Variants in AMOTL2 observed in about 807,000 individuals in gnomAD.
AMOTL2 encodes angiomotin-like protein 2.
AMOTL2 carries 33 observed loss-of-function variants against 78.4 expected under a neutral mutation model. That is an observed-to-expected ratio of 0.42 (90% CI 0.32 to 0.56). The LOEUF is 0.56. Ranked by LOEUF, AMOTL2 falls within the 20% of genes least tolerant of loss-of-function variation. The probability of loss-of-function intolerance (pLI) is 0.12; values close to 1 mark genes in which losing one functional copy is unlikely to be tolerated. For missense variants in AMOTL2, 983 were observed against 1,030.1 expected, an observed-to-expected ratio of 0.95 and a Z score of 0.63; for synonymous variants, 422 against 428.8, an observed-to-expected ratio of 0.98 and a Z score of 0.20.
At chr3:134,373,044 G>A (rs2017936420) in intron 1 of AMOTL2, among the ~76,000 whole-genome samples, 1 of 152,038 alleles carries the variant, frequency 6.6e-6, no homozygotes, top group Non-Finnish European at 1.5e-5. Flanking sequence ...AGCCATTCCC[G>A]ATCTTTTCCC....
intron 9 of AMOTL2, 36 bp downstream of exon 9, chr3:134,358,504 C>T (rs773597344): frequency 6.3e-7 from 1 of 1,592,708 alleles, no homozygotes; most frequent in African/African-American, 1.4e-5. Flanking sequence ...CCCCCTCGGC[C>T]CTACCTAGCA....
At chr3:134,360,073 C>A (rs200489847) in intron 7 of AMOTL2, 33 bp downstream of exon 7, 28 of 1,583,650 alleles carry the variant, frequency 1.8e-5, no homozygotes, top group African/African-American at 2.7e-5. Flanking sequence ...ACCCACCCCC[C>A]CAACCTCAGG....
intron 2 of AMOTL2, among the ~76,000 whole-genome samples, chr3:134,369,575 G>C (rs1176278752): frequency 6.6e-6 from 1 of 152,202 alleles, no homozygotes; most frequent in Non-Finnish European, 1.5e-5. Context: ...GAGGGGTGGA[G>C]GCTGGAGAAA....
chr3:134,359,550 A>T (rs1245764421), intron 7 of AMOTL2, 47 bp from the exon 8 acceptor site: 28 of 1,490,044 alleles, frequency 1.9e-5, no homozygotes, highest in Non-Finnish European at 2.4e-5. Flanking sequence ...CACAGATCCA[A>T]CAGCCTCCAC....
chr3:134,361,489 G>A, intron 6 of AMOTL2, 23 bp downstream of exon 6: 1 of 1,582,046 alleles, frequency 6.3e-7, no homozygotes, highest in Non-Finnish European at 8.6e-7. Context: ...TGCTGCCCTA[G>A]CCTGGAGACT....
chr3:134,373,405 A>G (rs2017954260), intron 1 of AMOTL2: 2 of 931,804 alleles, frequency 2.1e-6, no homozygotes, highest in Non-Finnish European at 2.6e-6. Context: ...AACATCTCCA[A>G]GGCCTCTCAT....
intron 1 of AMOTL2, chr3:134,371,775 G>A (rs1382455983): frequency 1.9e-5 from 8 of 418,452 alleles, no homozygotes; most frequent in East Asian, 7.4e-5. Context: ...AGTGGCCTGC[G>A]AGCTCCTGGC....
At position 134,361,523 on chromosome 3, in the gene AMOTL2, G is replaced by A; in HGVS notation, c.1564C>T (p.Arg522Cys). The A allele has an allele frequency of 1.2e-6, 2 of 1,609,540 alleles. No homozygotes were observed. Among genetic ancestry groups the A allele is most frequent in the Middle Eastern group, 1.7e-4 (1 of 5,976 alleles). Residue 522 changes from arginine to cysteine, a missense_variant, in exon 6 of 10, where the codon CGT becomes TGT. Coordinates refer to ENST00000249883, the MANE Select transcript of AMOTL2 (RefSeq NM_016201.4). ...CTTTCTCAGCTCACCTGCTGTGCACGCAGGGCCTTGAGTTCCTGCTCCAGG... is the reference window on the plus strand; with the variant it reads ...CTTTCTCAGCTCACCTGCTGTGCACACAGGGCCTTGAGTTCCTGCTCCAGG... ...TRLEQELKAL[R>C]AQQRQAGAPG...
Position 134,355,615 on chromosome 3 carries a change from T to C in AMOTL2, c.*2090A>G, listed in dbSNP as rs1216251152. On this transcript the variant is annotated 3_prime_UTR_variant, in exon 10 of 10. Transcript: ENST00000249883. ...ACCACAGCGTGTGGCCGAACAAAGC[T>C]GATTAGAACACAGCCCTACCTCGGG... Among the ~76,000 whole-genome samples the C allele has an allele frequency of 6.6e-6, 1 of 152,220 alleles. No individual in the cohort carries two copies. The highest frequency in any genetic ancestry group is 1.5e-5 in the Non-Finnish European group (1 of 68,042).
In AMOTL2 at chr3:134,359,315, T is replaced by C. The variant is rs780310495; in HGVS notation, c.2072A>G (p.Gln691Arg). 9.9e-6 allele frequency: 16 copies of C among 1,614,098 alleles called. No homozygotes were observed. Among genetic ancestry groups the C allele is most frequent in the South Asian group, 2.2e-5 (2 of 91,092 alleles). Residue 691 changes from glutamine (Q) to arginine (R), a missense_variant, in exon 8 of 10, where the codon CAA (glutamine) becomes CGA (arginine). Transcript: ENST00000249883. The part of the protein sequence containing the change: ...GWQGLSSSER[Q>R]TADAPARLTT... ...CAGCCGAGCAGGGGCGTCTGCTGTTTGTCGCTCACTAGAAGAGAGCCCTTG... is the reference window on the plus strand; with the variant it reads ...CAGCCGAGCAGGGGCGTCTGCTGTTCGTCGCTCACTAGAAGAGAGCCCTTG...
At chr3:134,361,839 G>C in intron 5 of AMOTL2, 32 bp from the exon 6 acceptor site, 2 of 1,494,296 alleles carry the variant, frequency 1.3e-6, no homozygotes, top group Non-Finnish European at 1.8e-6. Context: ...ATCAGTGACA[G>C]TGACCACGTT....
At position 134,359,385 on chromosome 3, in the gene AMOTL2, C is replaced by T. The variant is rs557857902; in HGVS notation, c.2002G>A (p.Val668Met). The change falls in exon 8 of 10, where the codon GTG (valine) becomes ATG (methionine). Residue 668 changes from valine to methionine, a missense_variant. Coordinates refer to ENST00000249883, the MANE Select transcript of AMOTL2 (RefSeq NM_016201.4). Reference sequence around the variant, plus strand: ...GCCGCAGCCGCGAAAACAGATGGCACCGACTTGGCAGGCCGCAGGGAGCCC... The same window carrying T: ...GCCGCAGCCGCGAAAACAGATGGCATCGACTTGGCAGGCCGCAGGGAGCCC... ...IQGSLRPAKS[V>M]PSVFAAAAAG... 3 of 1,614,230 alleles carry T rather than the reference C, an allele frequency of 1.9e-6. No individual in the cohort carries two copies. The African/African-American group carries it at 4.0e-5, about 22-fold the overall frequency.
Position 134,370,841 on chromosome 3 carries a change from C to A in AMOTL2, c.593G>T (p.Gly198Val), listed in dbSNP as rs757485956. The A allele has an allele frequency of 1.3e-6, 2 of 1,595,808 alleles. No individual in the cohort carries two copies. The highest frequency in any genetic ancestry group is 1.1e-5 in the South Asian group (1 of 89,144). ...ARNQQGPPLR[G>V]PPAEGPESRG... is the part of the protein sequence containing the mutation. ...GGACTCTGGGCCCTCAGCAGGGGGG[C>A]CCCTCAGTGGGGGGCCCTGCTGGTT... is the stretch of plus-strand genomic sequence containing the variant. The change falls in exon 2 of 10, where the codon GGC becomes GTC. Residue 198 changes from glycine (G) to valine (V), a missense_variant. Physicochemically the swap from Gly to Val is moderately radical, Grantham distance 109. Coordinates refer to ENST00000249883, the MANE Select transcript of AMOTL2 (RefSeq NM_016201.4).
chr3:134,360,491 A>G lies in AMOTL2; in HGVS notation c.1576-78T>C, dbSNP rs530469755. On this transcript the variant is annotated intron_variant, in intron 6 of 9. Transcript: ENST00000249883. The stretch of plus-strand genomic sequence containing the variant: ...AGCCACTGGTCTTCGCCTCCACACG[A>G]CTGTCACTTGTACATGTACGTGTTC... 3.8e-5 allele frequency: 47 copies of G among 1,237,186 alleles called. 1 individual carries two copies. In the African/African-American group the frequency reaches 6.3e-4, roughly 17 times the overall value. 76.6% of individuals were successfully genotyped at this position (1,237,186 alleles called of 1,614,324 possible). A position where few individuals can be genotyped will look rare whatever the true frequency, so the allele number is the denominator to read the frequency against.
chr3:134,360,830 C>T (rs923608778), intron 6 of AMOTL2, among the ~76,000 whole-genome samples: 12 of 152,196 alleles, frequency 7.9e-5, no homozygotes, highest in Non-Finnish European at 1.6e-4. Context: ...AGGCTAAGCA[C>T]AGTGGATCTG....
At chr3:134,357,855 T>G in intron 9 of AMOTL2, 92 bp from the exon 10 acceptor site, 2 of 1,377,570 alleles carry the variant, frequency 1.5e-6, no homozygotes, top group South Asian at 2.3e-5. Flanking sequence ...AGATCGTTCT[T>G]CACCAACTTT....
At chr3:134,357,790 A>G in intron 9 of AMOTL2, 27 bp from the exon 10 acceptor site, 1 of 1,608,726 alleles carries the variant, frequency 6.2e-7, no homozygotes, top group Middle Eastern at 1.7e-4. Context: ...ACACAGGCAC[A>G]TGCCAATGAG....
rs749370789 is a variant in AMOTL2 at position 134,356,067 on chromosome 3, C to T, written c.*1638G>A. On this transcript the variant is annotated 3_prime_UTR_variant, in exon 10 of 10. Coordinates refer to ENST00000249883, the MANE Select transcript of AMOTL2 (RefSeq NM_016201.4). ...CACAAAAAATACTTTAAAAGAAATA[C>T]CAAATATTAATCCAAAATATATTAA... 1.1e-4 allele frequency: 17 copies of T among 152,548 alleles called. No homozygotes were observed. Among genetic ancestry groups the T allele is most frequent in the Non-Finnish European group, 2.1e-4 (14 of 68,030 alleles). 9.4% of individuals were successfully genotyped at this position (152,548 alleles called of 1,614,324 possible). A position where few individuals can be genotyped will look rare whatever the true frequency, so the allele number is the denominator to read the frequency against.
chr3:134,365,855 G>T lies in AMOTL2; in HGVS notation c.1241C>A (p.Ala414Asp). Residue 414 changes from alanine to aspartate, a missense_variant, in exon 5 of 10, where the codon GCC becomes GAC. Ala to Asp is a moderately radical substitution (Grantham distance 126). Transcript: ENST00000249883. ...CTTGGCCACCATGTCCTGACTGCCG[G>T]CCTGGGCCTCCTGTGTCTTGCTTGC... ...RLASKTQEAQ[A>D]GSQDMVAKLL... 6.2e-7 allele frequency: 1 copy of T among 1,614,150 alleles called. No individual in the cohort carries two copies. Among genetic ancestry groups the T allele is most frequent in the Middle Eastern group, 1.6e-4 (1 of 6,062 alleles).
Sources: gnomAD v4.1 joint callset for allele counts (sites outside exome capture counted in the v4.1 genomes callset) on GRCh38, gnomAD v4.1.1 for gene constraint, MANE v1.5 for transcripts, NCBI Gene and HGNC (gene_info 2026-07-23, HGNC 2026-07-21) for gene names.